Variants in ST3GAL3 observed in about 807,000 individuals in gnomAD.
ST3GAL3 encodes the protein ST3 beta-galactoside alpha-2,3-sialyltransferase 3.
A neutral mutation model predicts 50.1 loss-of-function variants in ST3GAL3; 21 were observed. The observed-to-expected ratio is 0.42, with a 90% confidence interval of 0.30 to 0.60. ST3GAL3 has a LOEUF of 0.60. ST3GAL3 is among the 20% of genes least tolerant of loss of function. ST3GAL3 has a pLI of 0.19. For synonymous variants in ST3GAL3, 183 were observed against 190.0 expected (o/e 0.96, Z 0.30); for missense variants, 353 against 489.4 (o/e 0.72, Z 2.63).
intron 5 of ST3GAL3, among the ~76,000 whole-genome samples, chr1:43,865,182 AT>A (rs1290046328): frequency 6.7e-6 from 1 of 149,834 alleles, no homozygotes. Context: ...ACGCCCGGCT[AT>A]TTTTTTTTGT....
intron 2 of ST3GAL3, among the ~76,000 whole-genome samples, chr1:43,740,920 AGAAG>A (rs1290446348): frequency 6.7e-6 from 1 of 150,272 alleles, no homozygotes; most frequent in Non-Finnish European, 1.5e-5. Flanking sequence ...GAGGGAGGAA[AGAAG>A]GAAGGGAGGG....
At chr1:43,851,016 C>A in intron 5 of ST3GAL3, 1 of 846,922 alleles carries the variant, frequency 1.2e-6, no homozygotes. Context: ...ATGGGGAGGG[C>A]ACCACGCCAG....
chr1:43,719,935 A>AAG (rs1669554238), intron 1 of ST3GAL3, among the ~76,000 whole-genome samples: 1 of 34,142 alleles, frequency 2.9e-5, no homozygotes, highest in Admixed American at 2.6e-4. Context: ...TCTGTCTCAG[A>AAG]AAAAAAAAAA....
At chr1:43,793,984 C>G (rs2154154305) in intron 3 of ST3GAL3, among the ~76,000 whole-genome samples, 1 of 150,674 alleles carries the variant, frequency 6.6e-6, no homozygotes, top group Non-Finnish European at 1.5e-5. Flanking sequence ...ACTCAGGATG[C>G]TAAGCAGGAG....
At chr1:43,771,730 TTGTGTGTGTGTGTGTGTGTG>T (rs143955404) in intron 2 of ST3GAL3, among the ~76,000 whole-genome samples, 86 of 145,122 alleles carry the variant, frequency 5.9e-4, no homozygotes, top group African/African-American at 2.2e-3. Context: ...TTTAATAAAG[TTGTGTGTGTGTGTGTGTGTG>T]TGTGTGTGTG....
intron 2 of ST3GAL3, among the ~76,000 whole-genome samples, chr1:43,770,555 G>A (rs1694751260): frequency 6.6e-6 from 1 of 152,046 alleles, no homozygotes; most frequent in Non-Finnish European, 1.5e-5. Flanking sequence ...TGCTTGGACA[G>A]TTGTTGTTTT....
intron 1 of ST3GAL3, among the ~76,000 whole-genome samples, chr1:43,720,951 A>C (rs1466508027): frequency 6.6e-6 from 1 of 152,200 alleles, no homozygotes; most frequent in Non-Finnish European, 1.5e-5. Context: ...AATAAAAAGC[A>C]ATGAAGTACT....
At chr1:43,907,552 A>G in intron 9 of ST3GAL3, among the ~76,000 whole-genome samples, 1 of 152,164 alleles carries the variant, frequency 6.6e-6, no homozygotes, top group African/African-American at 2.4e-5. Flanking sequence ...GTCCAGCTGC[A>G]CAGGGAAAAT....
At chr1:43,877,423 CAGGACCCCAGAGATAGCAAACAAGCAGA>C (rs140022094) in intron 5 of ST3GAL3, among the ~76,000 whole-genome samples, 4,897 of 152,260 alleles carry the variant, frequency 0.032, 258 homozygotes, top group African/African-American at 0.11. Context: ...AGGCCACATT[CAGGACCCCAGAGATAGCAAACAAGCAGA>C]TAGGTCTCCC....
intron 2 of ST3GAL3, among the ~76,000 whole-genome samples, chr1:43,758,240 C>T (rs1688870004): frequency 6.7e-6 from 1 of 149,578 alleles, no homozygotes; most frequent in Admixed American, 6.7e-5. Flanking sequence ...AACTATACTA[C>T]CAGTTAGTAA....
intron 5 of ST3GAL3, among the ~76,000 whole-genome samples, chr1:43,863,738 G>C (rs754928005): frequency 1.3e-5 from 2 of 152,142 alleles, no homozygotes; most frequent in Admixed American, 1.3e-4. Flanking sequence ...GTCTGGCAGA[G>C]AGTGTCCTCA....
intron 1 of ST3GAL3, among the ~76,000 whole-genome samples, chr1:43,717,335 C>T (rs1236422122): frequency 6.6e-6 from 1 of 152,094 alleles, no homozygotes. Flanking sequence ...AGTTACTTTG[C>T]AATAGTCCAG....
chr1:43,717,432 T>C (rs1265647273), intron 1 of ST3GAL3, among the ~76,000 whole-genome samples: 1 of 152,100 alleles, frequency 6.6e-6, no homozygotes, highest in African/African-American at 2.4e-5. Flanking sequence ...GCCTAAAACA[T>C]GTAAAGTCTC....
At chr1:43,709,771 C>T (rs921067941) in intron 1 of ST3GAL3, among the ~76,000 whole-genome samples, 1 of 152,030 alleles carries the variant, frequency 6.6e-6, no homozygotes, top group Non-Finnish European at 1.5e-5. Flanking sequence ...CGCTTGAACC[C>T]GGGAGGTGGA....
At chr1:43,763,259 T>C (rs1242472191) in intron 2 of ST3GAL3, among the ~76,000 whole-genome samples, 4 of 152,196 alleles carry the variant, frequency 2.6e-5, no homozygotes, top group African/African-American at 2.4e-5. Context: ...TTCTGAAATA[T>C]ACTGTTAGGT....
intron 3 of ST3GAL3, 46 bp downstream of exon 3, chr1:43,792,195 G>C: frequency 6.2e-7 from 1 of 1,612,638 alleles, no homozygotes. Flanking sequence ...TTCAATATTA[G>C]CCATATTTTT....
chr1:43,898,684 G>A (rs901801502), intron 7 of ST3GAL3, among the ~76,000 whole-genome samples: 8 of 152,122 alleles, frequency 5.3e-5, no homozygotes, highest in Non-Finnish European at 1.2e-4. Flanking sequence ...GAAGCCCCAG[G>A]GTCAGGGATG....
chr1:43,765,031 T>G (rs1692026467), intron 2 of ST3GAL3, among the ~76,000 whole-genome samples: 1 of 152,204 alleles, frequency 6.6e-6, no homozygotes, highest in Non-Finnish European at 1.5e-5. Flanking sequence ...TAAAAATAAT[T>G]TCATTTTTCA....
Position 43,918,119 on chromosome 1 carries a change from C to CTCTTTTTTT in ST3GAL3, c.745-2284_745-2283insCTTTTTTTT, listed in dbSNP as rs56052310. 3.0e-4 allele frequency among the ~76,000 whole-genome samples: 40 copies of CTCTTTTTTT among 133,896 alleles called. 6 individuals are homozygous for CTCTTTTTTT. Among genetic ancestry groups the CTCTTTTTTT allele is most frequent in the Admixed American group, 4.8e-4 (6 of 12,466 alleles). 87.8% of individuals were successfully genotyped at this position (133,896 alleles called of 152,430 possible). A position where few individuals can be genotyped will look rare whatever the true frequency, so the allele number is the denominator to read the frequency against. On this transcript the variant is annotated intron_variant, in intron 9 of 11. Coordinates refer to ENST00000347631, the MANE Select transcript of ST3GAL3 (RefSeq NM_006279.5). ...TAGACATCTAAATTTTTTTCTTTCT[C>CTCTTTTTTT]TTTTTTTTTTTTTTTAAGAGAGGGT...
Sources: allele counts gnomAD v4.1 joint callset (sites outside exome capture counted in the v4.1 genomes callset), GRCh38; gene constraint gnomAD v4.1.1; transcripts MANE v1.5; gene names NCBI Gene and HGNC (gene_info 2026-07-23, HGNC 2026-07-21).